The following ERG variants were observed in gnomAD, a reference collection of about 807,000 sequenced individuals.
ERG encodes the protein ETS transcription factor ERG, also known as transcriptional regulator ERG.
ERG carries 9 observed loss-of-function variants against 55.3 expected under a neutral mutation model. That is an observed-to-expected ratio of 0.16 (90% confidence interval 0.10 to 0.28). ERG has a LOEUF of 0.28. Ranked by LOEUF, ERG falls within the 10% of genes least tolerant of loss-of-function variation. The pLI is 1.00. For missense variants in ERG, 434 were observed against 631.6 expected (o/e 0.69, Z 3.35); for synonymous variants, 223 against 237.3 (o/e 0.94, Z 0.55).
At chr21:38,550,179 C>G (rs1039378007) in intron 2 of ERG, among the ~76,000 whole-genome samples, 1 of 152,124 alleles carries the variant, frequency 6.6e-6, no homozygotes, top group African/African-American at 2.4e-5. Context: ...TGCTGAGTCA[C>G]AGGAAAGAAG....
At chr21:38,629,151 G>C (rs2060342477) in intron 1 of ERG, among the ~76,000 whole-genome samples, 1 of 152,182 alleles carries the variant, frequency 6.6e-6, no homozygotes. Context: ...TCCCCTGTGG[G>C]AGGCAGTGAG....
rs1989632442 is a variant in ERG, at chr21:38,423,304, G to A, written c.388+106C>T. ...TTTACAAGCCCTGCTCTGGACAAAG[G>A]AGATGTGATCAATGCCACAGGTGGG... On this transcript the variant is annotated intron_variant, in intron 3 of 9. Transcript: ENST00000288319. The A allele has an allele frequency of 1.2e-5, 15 of 1,205,466 alleles. No individual in the cohort carries two copies. The South Asian group carries it at 1.9e-4, about 16-fold the overall frequency. 74.7% of individuals were successfully genotyped at this position (1,205,466 alleles called of 1,614,324 possible). A position where few individuals can be genotyped will look rare whatever the true frequency, so the allele number is the denominator to read the frequency against.
chr21:38,444,989 T>C (rs919218645), intron 2 of ERG, among the ~76,000 whole-genome samples: 3 of 152,212 alleles, frequency 2.0e-5, no homozygotes, highest in South Asian at 2.1e-4. Flanking sequence ...GCCTGGGAAA[T>C]AGAATTGAAC....
intron 1 of ERG, among the ~76,000 whole-genome samples, chr21:38,591,364 GT>G (rs935421503): frequency 6.6e-6 from 1 of 152,214 alleles, no homozygotes; most frequent in South Asian, 2.1e-4. Flanking sequence ...AAAGGGCAAT[GT>G]AGGCTACTCA....
intron 1 of ERG, among the ~76,000 whole-genome samples, chr21:38,485,865 C>T (rs1328016639): frequency 6.6e-6 from 1 of 152,046 alleles, no homozygotes; most frequent in Non-Finnish European, 1.5e-5. Flanking sequence ...TTCCATCCTG[C>T]AAGCTCCATT....
chr21:38,395,550 G>A, intron 6 of ERG: 1 of 197,608 alleles, frequency 5.1e-6, no homozygotes, highest in Admixed American at 6.1e-5. Flanking sequence ...CTGCTTTCTG[G>A]CACTGGTTCT....
rs371475788 is a variant in ERG, at chr21:38,436,438, G to T, written c.236+8966C>A. Among the ~76,000 whole-genome samples the T allele has an allele frequency of 4.6e-5, 7 of 152,258 alleles. No individual in the cohort carries two copies. The South Asian group carries it at 8.3e-4, about 18-fold the overall frequency. ...TCTTGTCACTGCTTGTCTGACACGT[G>T]GAGAGAACCTTGCTATCCCTCTCAA... On this transcript the variant is annotated intron_variant, in intron 2 of 9. Coordinates refer to ENST00000288319, the MANE Select transcript of ERG (RefSeq NM_182918.4).
intron 2 of ERG, among the ~76,000 whole-genome samples, chr21:38,573,733 C>T (rs1171981615): frequency 2.6e-5 from 4 of 152,190 alleles, no homozygotes; most frequent in East Asian, 1.9e-4. Flanking sequence ...AGGCCGGTGC[C>T]GGTGCAGGTC....
rs1287597845 is a variant in ERG, at chr21:38,463,890, C to T, written c.19-18269G>A. Among the ~76,000 whole-genome samples the T allele has an allele frequency of 4.6e-5, 7 of 152,138 alleles. No homozygotes were observed. The South Asian group carries it at 6.2e-4, about 14-fold the overall frequency. ...ATCCAGGCTTTGTATTCCCACTTCC[C>T]GTATCCCCTCACTCCTTTTTCACAC... On this transcript the variant is annotated intron_variant, in intron 1 of 9. Transcript: ENST00000288319.
At chr21:38,565,787 G>A (rs1196392172) in intron 2 of ERG, among the ~76,000 whole-genome samples, 1 of 152,152 alleles carries the variant, frequency 6.6e-6, no homozygotes, top group East Asian at 1.9e-4. Flanking sequence ...CACCTGATTT[G>A]TAACTATTCC....
chr21:38,482,743 T>A (rs1012874038), intron 1 of ERG, among the ~76,000 whole-genome samples: 3 of 151,912 alleles, frequency 2.0e-5, no homozygotes, highest in African/African-American at 7.3e-5. Context: ...AGTGGCATGA[T>A]CTCGACTGAC....
intron 1 of ERG, among the ~76,000 whole-genome samples, chr21:38,595,124 A>G (rs1207439020): frequency 6.6e-6 from 1 of 151,362 alleles, no homozygotes; most frequent in Non-Finnish European, 1.5e-5. Context: ...AGACGTGGGG[A>G]GAGTCTAGAC....
intron 2 of ERG, among the ~76,000 whole-genome samples, chr21:38,504,543 T>C (rs553797753): frequency 1.6e-3 from 248 of 152,370 alleles, no homozygotes; most frequent in Non-Finnish European, 2.7e-3. Context: ...CTCCATATAA[T>C]TTGGAAACCA....
At chr21:38,406,154 C>CAGAAAAAAAAAAA (rs1988758594) in intron 3 of ERG, among the ~76,000 whole-genome samples, 1 of 95,080 alleles carries the variant, frequency 1.1e-5, no homozygotes, top group African/African-American at 4.1e-5. Context: ...GACTCCATCT[C>CAGAAAAAAAAAAA]AAAAAAAAAA....
intron 1 of ERG, among the ~76,000 whole-genome samples, chr21:38,635,739 A>G (rs1159605339): frequency 6.6e-6 from 1 of 152,210 alleles, no homozygotes; most frequent in Admixed American, 6.5e-5. Flanking sequence ...CAGAGTTGAG[A>G]GCTGGGCCAT....
chr21:38,555,291 C>A (rs559645040), intron 2 of ERG, among the ~76,000 whole-genome samples: 21 of 150,786 alleles, frequency 1.4e-4, no homozygotes, highest in Non-Finnish European at 2.7e-4. Flanking sequence ...CATGCCACTG[C>A]ACTCCAGCCT....
At position 38,382,288 on chromosome 21, in the gene ERG, G is replaced by A. The variant is rs185584298; in HGVS notation, c.*1115C>T. Reference sequence around the variant, plus strand: ...ATTCTGACAAACGCACAGCGTTCGCGACTCAAAGGAAAACTGGAGGCCGCC... The same window carrying A: ...ATTCTGACAAACGCACAGCGTTCGCAACTCAAAGGAAAACTGGAGGCCGCC... On this transcript the variant is annotated 3_prime_UTR_variant, in exon 10 of 10. Transcript: ENST00000288319. The A allele has an allele frequency of 2.6e-5, 27 of 1,053,672 alleles. No individual in the cohort carries two copies. The East Asian group carries it at 1.2e-3, about 46-fold the overall frequency. The allele number at this position is 1,053,672 out of a possible 1,614,324, so 65.3% of individuals were successfully genotyped here.
intron 1 of ERG, among the ~76,000 whole-genome samples, chr21:38,634,790 C>T (rs2060378352): frequency 6.6e-6 from 1 of 152,198 alleles, no homozygotes; most frequent in Admixed American, 6.5e-5. Flanking sequence ...ATAATGATTA[C>T]AATGGCACAG....
upstream of ERG, among the ~76,000 whole-genome samples, chr21:38,587,508 G>A (rs978209420): frequency 8.6e-5 from 13 of 152,042 alleles, no homozygotes; most frequent in Non-Finnish European, 1.6e-4. Context: ...ACAGGCGCCC[G>A]CCACCACACC....
Sources: gnomAD v4.1 joint callset for allele counts (sites outside exome capture counted in the v4.1 genomes callset) on GRCh38, gnomAD v4.1.1 for gene constraint, MANE v1.5 for transcripts, NCBI Gene and HGNC (gene_info 2026-07-23, HGNC 2026-07-21) for gene names.